Variants in RBFOX1 observed in about 807,000 individuals in gnomAD.
RBFOX1 encodes the protein RNA binding fox-1 homolog 1.
A neutral mutation model predicts 57.7 loss-of-function variants in RBFOX1; 8 were observed. The ratio of observed to expected loss-of-function variants is 0.14; its 90% CI spans 0.08 to 0.25. The LOEUF is 0.25. RBFOX1 is among the 10% of genes least tolerant of loss of function. The pLI, the probability that RBFOX1 is intolerant of heterozygous loss-of-function variation, is 1.00. For missense variants in RBFOX1, 611 were observed against 548.5 expected (o/e 1.11, Z -1.14); for synonymous variants, 326 against 222.4 (o/e 1.47, Z -4.15).
chr16:6,555,311 A>T (rs2097078012), intron 2 of RBFOX1, among the ~76,000 whole-genome samples: 1 of 152,178 alleles, frequency 6.6e-6, no homozygotes, highest in Admixed American at 6.5e-5. Context: ...ATAGTTATAA[A>T]ACCCATCATT....
At chr16:6,595,698 G>T (rs56348463) in intron 2 of RBFOX1, among the ~76,000 whole-genome samples, 3,541 of 151,978 alleles carry the variant, frequency 0.023, 132 homozygotes, top group African/African-American at 0.08. Context: ...CTTCCCTTTT[G>T]TCCACATCGT....
chr16:6,863,667 C>A (rs375300552), intron 3 of RBFOX1, among the ~76,000 whole-genome samples: 1 of 59,228 alleles, frequency 1.7e-5, no homozygotes, highest in East Asian at 6.7e-4. Context: ...TTTTTTTTTT[C>A]CTTAAAAAAA....
intron 4 of RBFOX1, among the ~76,000 whole-genome samples, chr16:7,253,754 C>G (rs772461999): frequency 2.8e-4 from 42 of 152,200 alleles, no homozygotes; most frequent in Non-Finnish European, 4.9e-4. Flanking sequence ...CCTCTCGTTA[C>G]TTACCTTGCT....
At chr16:7,449,910 CAT>C (rs1463441860) in intron 4 of RBFOX1, among the ~76,000 whole-genome samples, 7 of 152,088 alleles carry the variant, frequency 4.6e-5, no homozygotes, top group African/African-American at 1.4e-4. Context: ...CACTATGAAA[CAT>C]ATGAGAGCAG....
intron 3 of RBFOX1, among the ~76,000 whole-genome samples, chr16:7,033,877 G>C (rs981088085): frequency 3.3e-5 from 5 of 152,206 alleles, no homozygotes; most frequent in Admixed American, 1.3e-4. Flanking sequence ...GCTGGGGCAG[G>C]AGGATTATTT....
intron 4 of RBFOX1, among the ~76,000 whole-genome samples, chr16:7,387,606 A>G (rs1205491700): frequency 6.6e-6 from 1 of 152,148 alleles, no homozygotes; most frequent in African/African-American, 2.4e-5. Flanking sequence ...CTTCGAATGT[A>G]TGGTCAAGCA....
At chr16:6,832,062 A>G (rs1332018460) in intron 3 of RBFOX1, among the ~76,000 whole-genome samples, 1 of 152,256 alleles carries the variant, frequency 6.6e-6, no homozygotes, top group Non-Finnish European at 1.5e-5. Context: ...ATAATTGCAT[A>G]TTAATCAACC....
intron 4 of RBFOX1, among the ~76,000 whole-genome samples, chr16:5,975,172 T>G (rs1482374686): frequency 2.6e-5 from 4 of 152,168 alleles, no homozygotes; most frequent in South Asian, 4.1e-4. Flanking sequence ...GTTGATAAAT[T>G]CCAACAGCCT....
chr16:7,505,720 C>T (rs563529007), intron 4 of RBFOX1, among the ~76,000 whole-genome samples: 86 of 152,308 alleles, frequency 5.6e-4, no homozygotes, highest in African/African-American at 1.7e-3. Flanking sequence ...TGGTGTTTGT[C>T]AGCCATGGCA....
At chr16:6,778,535 C>A (rs192334469) in intron 3 of RBFOX1, among the ~76,000 whole-genome samples, 5 of 152,194 alleles carry the variant, frequency 3.3e-5, no homozygotes, top group Admixed American at 3.3e-4. Context: ...AATATCTGAT[C>A]GCTGTTCAGA....
chr16:6,626,442 TACAC>T lies in RBFOX1; in HGVS notation c.-63-28156_-63-28153del, dbSNP rs1176284898. ...GATTCTCAACCAAGGCAAAAATAGA[TACAC>T]ACACTCAACAGGGATTAAGGTACAG... On this transcript the variant is annotated intron_variant, in intron 2 of 15. Coordinates refer to ENST00000550418, the MANE Select transcript of RBFOX1 (RefSeq NM_018723.4). 9.9e-5 allele frequency among the ~76,000 whole-genome samples: 15 copies of T among 152,244 alleles called. No homozygotes were observed. In the South Asian group the frequency reaches 1.9e-3, roughly 19 times the overall value.
At chr16:6,008,127 C>T (rs569731976) in intron 4 of RBFOX1, among the ~76,000 whole-genome samples, 4 of 152,188 alleles carry the variant, frequency 2.6e-5, no homozygotes, top group African/African-American at 9.6e-5. Context: ...GTCACTTGAA[C>T]CTGGCAGGCA....
intron 5 of RBFOX1, among the ~76,000 whole-genome samples, chr16:7,543,382 C>T (rs1256238624): frequency 1.3e-5 from 2 of 152,212 alleles, no homozygotes; most frequent in East Asian, 1.9e-4. Context: ...TTTTTACAGG[C>T]CTGGTAATGA....
At chr16:7,703,414 C>T (rs796793683) in intron 14 of RBFOX1, among the ~76,000 whole-genome samples, 128 of 152,244 alleles carry the variant, frequency 8.4e-4, no homozygotes, top group African/African-American at 3.0e-3. Flanking sequence ...GAGCAGATTT[C>T]ACTCATCTTT....
intron 4 of RBFOX1, among the ~76,000 whole-genome samples, chr16:6,006,321 C>G (rs752490421): frequency 9.9e-5 from 15 of 151,880 alleles, no homozygotes; most frequent in Non-Finnish European, 1.6e-4. Flanking sequence ...GGTATGTGAT[C>G]CCATCTGGAC....
At position 5,461,908 on chromosome 16, in the gene RBFOX1, T is replaced by C. The variant is rs546717149; in HGVS notation, c.220-5308T>C. Among the ~76,000 whole-genome samples the C allele has an allele frequency of 2.6e-5, 4 of 152,226 alleles. No homozygotes were observed. The East Asian group carries it at 7.7e-4, about 29-fold the overall frequency. ...GAGTCTAAAGAGAAGGGACAAGGGGTAGCTATCTACCCAGTTCTACTGAAC... is the reference window on the plus strand; with the variant it reads ...GAGTCTAAAGAGAAGGGACAAGGGGCAGCTATCTACCCAGTTCTACTGAAC... On this transcript the variant is annotated intron_variant, in intron 1 of 2. Coordinates refer to the RBFOX1 transcript ENST00000585867.
intron 3 of RBFOX1, among the ~76,000 whole-genome samples, chr16:6,960,973 C>CAAAAAAAAA (rs1168858782): frequency 2.8e-5 from 1 of 36,138 alleles, no homozygotes; most frequent in African/African-American, 8.5e-5. Context: ...ACTGAAAATA[C>CAAAAAAAAA]AAAAAAAAAA....
At chr16:5,657,446 C>T (rs1368259912) in intron 3 of RBFOX1, among the ~76,000 whole-genome samples, 2 of 152,168 alleles carry the variant, frequency 1.3e-5, no homozygotes, top group East Asian at 1.9e-4. Context: ...ATCACAGGAC[C>T]AGTGAATGGG....
At chr16:6,562,007 T>G (rs961646768) in intron 2 of RBFOX1, among the ~76,000 whole-genome samples, 8 of 152,182 alleles carry the variant, frequency 5.3e-5, no homozygotes, top group African/African-American at 1.9e-4. Flanking sequence ...TAGAGATCAT[T>G]ATGAGGCCAT....
Sources: allele counts gnomAD v4.1 joint callset (sites outside exome capture counted in the v4.1 genomes callset), GRCh38; gene constraint gnomAD v4.1.1; transcripts MANE v1.5; gene names NCBI Gene and HGNC (gene_info 2026-07-23, HGNC 2026-07-21).